KANSL1: variants seen among roughly 807,000 people sequenced by gnomAD.
The protein encoded by KANSL1 is KAT8 regulatory NSL complex subunit 1.
KANSL1 carries 22 observed loss-of-function variants against 103.6 expected under a neutral mutation model. The observed-to-expected ratio is 0.21, with a 90% confidence interval of 0.15 to 0.30. The LOEUF (loss-of-function observed/expected upper bound fraction) is 0.30. KANSL1 is among the 10% of genes least tolerant of loss of function. KANSL1 has a pLI of 1.00. For synonymous variants in KANSL1, 600 were observed against 527.6 expected (o/e 1.14, Z -1.88); for missense variants, 1,337 against 1,399.8 (o/e 0.96, Z 0.72).
intron 2 of KANSL1, among the ~76,000 whole-genome samples, chr17:46,127,471 G>GAAACAGTTTT (rs1555558344): frequency 6.6e-6 from 1 of 152,180 alleles, no homozygotes; most frequent in Non-Finnish European, 1.5e-5. Flanking sequence ...AACAAAAAAA[G>GAAACAGTTTT]AAACAGTTTT....
chr17:46,125,047 GGAGGGAGGGAGGAGGGAGGGA>G (rs1567702458), intron 2 of KANSL1, among the ~76,000 whole-genome samples: 46 of 69,088 alleles, frequency 6.7e-4, no homozygotes, highest in Non-Finnish European at 1.3e-3. Flanking sequence ...GAGGGAGGGA[GGAGGGAGGGAGGAGGGAGGGA>G]GGAGGGAGGG....
intron 2 of KANSL1, among the ~76,000 whole-genome samples, chr17:46,133,503 C>T (rs1049383910): frequency 6.6e-6 from 1 of 152,170 alleles, no homozygotes; most frequent in African/African-American, 2.4e-5. Flanking sequence ...CATGGAGATA[C>T]GGATATAGAC....
At chr17:46,110,764 T>C (rs184764160) in intron 2 of KANSL1, among the ~76,000 whole-genome samples, 165 of 152,256 alleles carry the variant, frequency 1.1e-3, no homozygotes, top group African/African-American at 3.8e-3. Flanking sequence ...TCACAAGTAT[T>C]TGTGCTGAGT....
chr17:46,113,102 T>C (rs2042893131), intron 2 of KANSL1, among the ~76,000 whole-genome samples: 1 of 152,162 alleles, frequency 6.6e-6, no homozygotes, highest in Admixed American at 6.5e-5. Context: ...CTGAAGACAT[T>C]TTTTGTTGTC....
At chr17:46,084,688 T>C (rs540747964) in intron 3 of KANSL1, among the ~76,000 whole-genome samples, 14 of 99,310 alleles carry the variant, frequency 1.4e-4, no homozygotes, top group Admixed American at 5.6e-4. Flanking sequence ...ACCTCAAAAT[T>C]TTAAAAATTA....
At chr17:46,144,742 TTTTGC>T (rs2044609815) in intron 2 of KANSL1, among the ~76,000 whole-genome samples, 1 of 152,184 alleles carries the variant, frequency 6.6e-6, no homozygotes, top group South Asian at 2.1e-4. Flanking sequence ...GTAGTGATGA[TTTTGC>T]TTTTTCAGTC....
Position 46,082,495 on chromosome 17 carries a change from G to C in KANSL1, c.1479C>G (p.Asp493Glu). 6 of 1,612,664 alleles carry C rather than the reference G, an allele frequency of 3.7e-6. No homozygotes were observed. The highest frequency in any genetic ancestry group is 5.1e-6 in the Non-Finnish European group (6 of 1,178,934). Residue 493 changes from aspartate (D) to glutamate (E), a missense_variant, in exon 4 of 15, where the codon GAC becomes GAG. Transcript: ENST00000432791. ...GEVPPPEHTT[D>E]LFLPLSSEVK... ...CCTCAGAACTAAGTGGAAGAAATAA[G>C]TCTGTTGTATGCTCTGGGGGAGGTA...
intron 2 of KANSL1, among the ~76,000 whole-genome samples, chr17:46,111,118 C>T (rs181478079): frequency 1.9e-4 from 29 of 152,308 alleles, no homozygotes; most frequent in African/African-American, 6.0e-4. Flanking sequence ...ATTTCTTAAG[C>T]GGTTTTAAAG....
intron 2 of KANSL1, among the ~76,000 whole-genome samples, chr17:46,144,160 G>C (rs985250119): frequency 6.6e-6 from 1 of 152,210 alleles, no homozygotes; most frequent in Non-Finnish European, 1.5e-5. Flanking sequence ...CATTCTGAAG[G>C]AAGGGAAGGT....
At chr17:46,107,557 T>C (rs1405334842) in intron 2 of KANSL1, among the ~76,000 whole-genome samples, 1 of 152,244 alleles carries the variant, frequency 6.6e-6, no homozygotes, top group Non-Finnish European at 1.5e-5. Context: ...AGACTGCATA[T>C]GCGAAATCAC....
At chr17:46,076,622 T>G (rs1416299639) in intron 4 of KANSL1, among the ~76,000 whole-genome samples, 4 of 151,822 alleles carry the variant, frequency 2.6e-5, no homozygotes, top group African/African-American at 9.7e-5. Flanking sequence ...TTGCTGGGAT[T>G]TTTCACTGGG....
chr17:46,194,217 T>C (rs777698302), upstream of KANSL1, among the ~76,000 whole-genome samples: 1 of 152,286 alleles, frequency 6.6e-6, no homozygotes, highest in East Asian at 1.9e-4. Flanking sequence ...CGTCTTGTTT[T>C]GGGTGTCATG....
intron 1 of KANSL1, among the ~76,000 whole-genome samples, chr17:46,176,867 G>A (rs1023794332): frequency 1.3e-5 from 2 of 152,016 alleles, no homozygotes; most frequent in African/African-American, 4.8e-5. Context: ...AATCATCTAA[G>A]TAAGGGGGTG....
chr17:46,175,389 G>A (rs1440163270), intron 1 of KANSL1, among the ~76,000 whole-genome samples: 5 of 148,592 alleles, frequency 3.4e-5, no homozygotes, highest in Admixed American at 6.7e-5. Context: ...TCGCTCTGTC[G>A]CCCAGGCTGG....
chr17:46,124,959 T>C (rs186004874), intron 2 of KANSL1, among the ~76,000 whole-genome samples: 1 of 148,240 alleles, frequency 6.7e-6, no homozygotes, highest in Non-Finnish European at 1.5e-5. Context: ...GCAAGATAAC[T>C]AGAATTAGAA....
chr17:46,185,690 TATAC>T (rs1418093997), intron 1 of KANSL1, among the ~76,000 whole-genome samples: 789 of 66,012 alleles, frequency 0.012, 9 homozygotes, highest in African/African-American at 0.032. Flanking sequence ...CACACACATA[TATAC>T]ACACACACAC....
At chr17:46,109,536 CA>C (rs58575986) in intron 2 of KANSL1, among the ~76,000 whole-genome samples, 247 of 150,466 alleles carry the variant, frequency 1.6e-3, no homozygotes, top group African/African-American at 5.5e-3. Context: ...ACACCCCCAC[CA>C]AAAAAAAACC....
intron 2 of KANSL1, among the ~76,000 whole-genome samples, chr17:46,116,786 T>A (rs17661045): frequency 0.14 from 21,662 of 151,966 alleles, 2,122 homozygotes; most frequent in Non-Finnish European, 0.22. Flanking sequence ...AACTTTTCCA[T>A]CAGTGAATAA....
At chr17:46,197,005 C>T (rs879559066), upstream of KANSL1, among the ~76,000 whole-genome samples, 7 of 152,040 alleles carry the variant, frequency 4.6e-5, no homozygotes, top group Non-Finnish European at 1.0e-4. Context: ...GTCCAAGCTA[C>T]TCAGAGGCTC....
Sources: allele counts gnomAD v4.1 joint callset (sites outside exome capture counted in the v4.1 genomes callset), GRCh38; gene constraint gnomAD v4.1.1; transcripts MANE v1.5; gene names NCBI Gene and HGNC (gene_info 2026-07-23, HGNC 2026-07-21).